SMURF2: variants seen among roughly 807,000 people sequenced by gnomAD.
SMURF2 encodes SMAD specific E3 ubiquitin protein ligase 2, also known as E3 ubiquitin-protein ligase SMURF2.
A neutral mutation model predicts 109.6 loss-of-function variants in SMURF2; 48 were observed. The ratio of observed to expected loss-of-function variants is 0.44; its 90% CI spans 0.35 to 0.56. The LOEUF is 0.56. SMURF2 is among the 20% of genes least tolerant of loss of function. The pLI, the probability that SMURF2 is intolerant of heterozygous loss-of-function variation, is 0.01. For synonymous variants in SMURF2, 288 were observed against 317.1 expected (o/e 0.91, Z 0.97); for missense variants, 575 against 909.0 (o/e 0.63, Z 4.72).
chr17:64,629,682 C>G (rs1258758756), intron 1 of SMURF2, among the ~76,000 whole-genome samples: 6 of 152,116 alleles, frequency 3.9e-5, no homozygotes, highest in African/African-American at 1.4e-4. Context: ...GCCTTTTCAG[C>G]CTCCTTTAAT....
chr17:64,589,588 T>G (rs1182064509), intron 5 of SMURF2, among the ~76,000 whole-genome samples: 1 of 151,856 alleles, frequency 6.6e-6, no homozygotes, highest in African/African-American at 2.4e-5. Context: ...CTGCCTCCTA[T>G]CAGATCAGTG....
intron 1 of SMURF2, among the ~76,000 whole-genome samples, chr17:64,650,564 C>T (rs1375826142): frequency 6.6e-6 from 1 of 152,202 alleles, no homozygotes; most frequent in African/African-American, 2.4e-5. Flanking sequence ...GGCACAGTGG[C>T]TCATGCCTGT....
chr17:64,616,206 GAATATA>G (rs1970118714), intron 1 of SMURF2, among the ~76,000 whole-genome samples: 1 of 152,062 alleles, frequency 6.6e-6, no homozygotes, highest in Non-Finnish European at 1.5e-5. Flanking sequence ...TTTTAGTAAA[GAATATA>G]AACATATTGG....
chr17:64,588,856 CTCGTGATCCA>C (rs1374454321), intron 5 of SMURF2, among the ~76,000 whole-genome samples: 1 of 152,104 alleles, frequency 6.6e-6, no homozygotes. Context: ...AACTCCTGAC[CTCGTGATCCA>C]CCCACCTTGG....
At chr17:64,548,008 T>C (rs991467163) in intron 16 of SMURF2, among the ~76,000 whole-genome samples, 2 of 152,176 alleles carry the variant, frequency 1.3e-5, no homozygotes, top group Admixed American at 6.5e-5. Context: ...GGGGTGACAG[T>C]TGGGATCTAT....
At position 64,544,032 on chromosome 17, in the gene SMURF2, A is replaced by G. The variant is rs1555682863; in HGVS notation, c.*1816T>C. 6.6e-6 allele frequency: 1 copy of G among 152,266 alleles called. No individual in the cohort carries two copies. The highest frequency in any genetic ancestry group is 6.5e-5 in the Admixed American group (1 of 15,286). The allele number at this position is 152,266 out of a possible 1,614,324, so 9.4% of individuals were successfully genotyped here. On this transcript the variant is annotated 3_prime_UTR_variant, in exon 19 of 19. Transcript: ENST00000262435. ...TGGCAGTTGAATTTGGCCAAATGAAATACATTAAAATACTTAAAAACTACA... is the reference window on the plus strand; with the variant it reads ...TGGCAGTTGAATTTGGCCAAATGAAGTACATTAAAATACTTAAAAACTACA...
chr17:64,602,775 A>T (rs1555688692), intron 2 of SMURF2, among the ~76,000 whole-genome samples: 1 of 152,074 alleles, frequency 6.6e-6, no homozygotes, highest in African/African-American at 2.4e-5. Context: ...AAAAATACAA[A>T]AAATTAGCCG....
At chr17:64,637,243 C>T (rs1970429546) in intron 1 of SMURF2, among the ~76,000 whole-genome samples, 1 of 151,766 alleles carries the variant, frequency 6.6e-6, no homozygotes, top group East Asian at 1.9e-4. Context: ...TCTCTTGCCT[C>T]AGCCTCCCAA....
intron 9 of SMURF2, among the ~76,000 whole-genome samples, chr17:64,575,708 G>GA (rs1266007457): frequency 2.4e-4 from 36 of 149,764 alleles, no homozygotes; most frequent in South Asian, 8.5e-4. Context: ...CTTTAGGCAG[G>GA]AAAAAAAAAC....
intron 1 of SMURF2, among the ~76,000 whole-genome samples, chr17:64,629,714 T>G (rs80076033): frequency 0.05 from 7,660 of 152,164 alleles, 320 homozygotes; most frequent in Admixed American, 0.14. Context: ...AGAAATAGAT[T>G]AGTGGGAAGA....
chr17:64,651,887 G>A (rs1970644858), intron 1 of SMURF2, among the ~76,000 whole-genome samples: 1 of 152,130 alleles, frequency 6.6e-6, no homozygotes, highest in African/African-American at 2.4e-5. Flanking sequence ...CCACTGCACT[G>A]CAGCCTGGGT....
chr17:64,653,061 G>C (rs1555693655), intron 1 of SMURF2, among the ~76,000 whole-genome samples: 1 of 150,024 alleles, frequency 6.7e-6, no homozygotes, highest in Non-Finnish European at 1.5e-5. Context: ...TGATAAACAG[G>C]TTTCATCAGC....
intron 8 of SMURF2, among the ~76,000 whole-genome samples, chr17:64,580,061 G>A (rs1376904547): frequency 6.6e-6 from 1 of 152,208 alleles, no homozygotes; most frequent in African/African-American, 2.4e-5. Flanking sequence ...GTCATTAGAT[G>A]TCAACATCAA....
intron 1 of SMURF2, among the ~76,000 whole-genome samples, chr17:64,660,324 ACT>A (rs767739487): frequency 2.6e-5 from 4 of 152,258 alleles, no homozygotes; most frequent in African/African-American, 9.6e-5. Context: ...CAACAGATAA[ACT>A]CTAAAGCAAC....
intron 5 of SMURF2, among the ~76,000 whole-genome samples, chr17:64,587,915 G>T (rs1193329760): frequency 1.3e-5 from 2 of 151,766 alleles, no homozygotes; most frequent in Non-Finnish European, 2.9e-5. Context: ...AATTTCATGG[G>T]CTTCAATTTA....
At chr17:64,608,299 TA>T (rs1276969226) in intron 1 of SMURF2, among the ~76,000 whole-genome samples, 8 of 151,988 alleles carry the variant, frequency 5.3e-5, no homozygotes, top group African/African-American at 1.4e-4. Flanking sequence ...AGGGTTCACA[TA>T]AAAAAACCTT....
At chr17:64,583,075 A>G (rs529947172) in intron 7 of SMURF2, among the ~76,000 whole-genome samples, 2 of 152,168 alleles carry the variant, frequency 1.3e-5, no homozygotes, top group South Asian at 4.2e-4. Flanking sequence ...TTTTTTTGGT[A>G]GAGACAGGGT....
At chr17:64,655,554 C>A (rs1261357406) in intron 1 of SMURF2, among the ~76,000 whole-genome samples, 1 of 151,774 alleles carries the variant, frequency 6.6e-6, no homozygotes, top group Admixed American at 6.6e-5. Flanking sequence ...CCACCATGCC[C>A]GGCCCCAATG....
intron 1 of SMURF2, among the ~76,000 whole-genome samples, chr17:64,613,743 T>TGTGTGTGTGTGTGTGTG (rs1970082164): frequency 3.3e-5 from 3 of 92,218 alleles, no homozygotes; most frequent in East Asian, 3.3e-4. Context: ...TGTGTGTGTG[T>TGTGTGTGTGTGTGTGTG]GGAGGGGGGG....
Sources: gnomAD v4.1 joint callset for allele counts (sites outside exome capture counted in the v4.1 genomes callset) on GRCh38, gnomAD v4.1.1 for gene constraint, MANE v1.5 for transcripts, NCBI Gene and HGNC (gene_info 2026-07-23, HGNC 2026-07-21) for gene names.